Variants in CMYA5 observed in about 807,000 individuals in gnomAD.
CMYA5 encodes the protein cardiomyopathy-associated protein 5.
Under a neutral mutation model 318.9 loss-of-function variants are expected in CMYA5, and 246 were observed. That is an observed-to-expected ratio of 0.77 (90% CI 0.70 to 0.86). The LOEUF (loss-of-function observed/expected upper bound fraction) is 0.86. Among genes scored for constraint, CMYA5 ranks in the 40% least tolerant of loss-of-function variants. CMYA5 has a pLI of 0.00. For synonymous variants in CMYA5, 1,641 were observed against 1,729.5 expected (o/e 0.95, Z 1.27); for missense variants, 4,589 against 4,678.2 (o/e 0.98, Z 0.56).
rs769944134 is a variant in CMYA5 at position 79,745,443 on chromosome 5, C to G, written c.10956C>G (p.Ala3652=). 1 of 1,613,384 alleles carries G rather than the reference C, an allele frequency of 6.2e-7. No individual in the cohort carries two copies. Among genetic ancestry groups the G allele is most frequent in the African/African-American group, 1.3e-5 (1 of 75,014 alleles). The change falls in exon 4 of 13, where the codon GCC becomes GCG. Residue 3652 remains alanine (A), a synonymous_variant. Transcript: ENST00000446378. The part of the protein sequence containing the change: ...IVREAEELDE[A]VFLTSFEEIN... ...GAGAAGCAGAGGAGCTTGATGAGGC[C>G]GTCTTCCTGACTGTAAGTGCCAAGT...
rs542874952 is a variant in CMYA5, at chr5:79,729,179, A to C, written c.414A>C (p.Ser138=). The change falls in exon 2 of 13, where the codon TCA becomes TCC. Residue 138 remains serine, a synonymous_variant. Coordinates refer to ENST00000446378, the MANE Select transcript of CMYA5 (RefSeq NM_153610.5). ...VKKVRKRTHK[S]KHGSPSLRRK... ...AGGTTCGGAAAAGGACTCATAAGTCAAAGCATGGTTCACCATCATTACGCC... is the reference window on the plus strand; with the variant it reads ...AGGTTCGGAAAAGGACTCATAAGTCCAAGCATGGTTCACCATCATTACGCC... 9.3e-6 allele frequency: 15 copies of C among 1,612,930 alleles called. No individual in the cohort carries two copies. The highest frequency in any genetic ancestry group is 3.3e-5 in the South Asian group (3 of 90,768).
intron 1 of CMYA5, among the ~76,000 whole-genome samples, chr5:79,721,413 G>A (rs138727110): frequency 0.01 from 1,540 of 152,028 alleles, 28 homozygotes; most frequent in African/African-American, 0.036. Flanking sequence ...TAATAAGATG[G>A]CAAATTTAAC....
chr5:79,737,713 A>G lies in CMYA5; in HGVS notation c.8948A>G (p.Lys2983Arg), dbSNP rs763998832. ...MQDKLEYLEE[K>R]ASFKTIPLPD... ...GATAAATTAGAATATTTGGAAGAGA[A>G]AGCCTCATTTAAAACCATACCACTC... Residue 2983 changes from lysine to arginine, a missense_variant, in exon 2 of 13, where the codon AAA becomes AGA. Lys to Arg is a conservative substitution (Grantham distance 26). Transcript: ENST00000446378. The G allele has an allele frequency of 6.2e-7, 1 of 1,612,046 alleles. No individual in the cohort carries two copies. The highest frequency in any genetic ancestry group is 1.1e-5 in the South Asian group (1 of 90,354).
Position 79,733,909 on chromosome 5 carries a change from C to G in CMYA5, c.5144C>G (p.Pro1715Arg), listed in dbSNP as rs201243267. ...REESQNEEIK[P>R]FSPKIISLES... The stretch of plus-strand genomic sequence containing the variant: ...GAATCTCAGAATGAAGAAATTAAAC[C>G]TTTCTCTCCCAAGATCATCAGCCTA... Residue 1715 changes from proline (P) to arginine (R), a missense_variant, in exon 2 of 13, where the codon CCT becomes CGT. Physicochemically the swap from Pro to Arg is moderately radical, Grantham distance 103. Transcript: ENST00000446378. The G allele has an allele frequency of 6.2e-7, 1 of 1,613,046 alleles. No individual in the cohort carries two copies. Among genetic ancestry groups the G allele is most frequent in the African/African-American group, 1.3e-5 (1 of 74,950 alleles).
Position 79,737,614 on chromosome 5 carries a change from G to A in CMYA5, c.8849G>A (p.Gly2950Asp), listed in dbSNP as rs1457011006. The change falls in exon 2 of 13, where the codon GGC becomes GAC. Residue 2950 changes from glycine to aspartate, a missense_variant. Transcript: ENST00000446378. Reference sequence around the variant, plus strand: ...ACTGCCTTTAGTATCATTTCTGAAGGCTGTGAGATATTGAATATTCATGCT... The same window carrying A: ...ACTGCCTTTAGTATCATTTCTGAAGACTGTGAGATATTGAATATTCATGCT... ...QKTAFSIISE[G>D]CEILNIHAPA... 1 of 1,613,538 alleles carries A rather than the reference G, an allele frequency of 6.2e-7. No homozygotes were observed. The highest frequency in any genetic ancestry group is 1.3e-5 in the African/African-American group (1 of 74,918).
At chr5:79,775,060 C>G (rs1828914917) in intron 9 of CMYA5, among the ~76,000 whole-genome samples, 1 of 152,066 alleles carries the variant, frequency 6.6e-6, no homozygotes, top group Non-Finnish European at 1.5e-5. Context: ...CACGATTGGG[C>G]CAAAGTTCTT....
chr5:79,770,400 G>T (rs1043231700), intron 9 of CMYA5, among the ~76,000 whole-genome samples: 1 of 66,188 alleles, frequency 1.5e-5, no homozygotes, highest in Non-Finnish European at 2.9e-5. Flanking sequence ...ATGGCTGCCC[G>T]GTTTTGTGCT....
chr5:79,787,299 A>G (rs979550053), intron 9 of CMYA5, among the ~76,000 whole-genome samples: 1 of 152,106 alleles, frequency 6.6e-6, no homozygotes, highest in Admixed American at 6.6e-5. Context: ...ATACATATTT[A>G]TTTAGGGAGC....
In CMYA5 at chr5:79,799,869, T is replaced by TTC; in HGVS notation, c.*254_*255insCT. 6.5e-6 allele frequency: 1 copy of TTC among 153,012 alleles called. No individual in the cohort carries two copies. The allele number at this position is 153,012 out of a possible 1,614,324, so 9.5% of individuals were successfully genotyped here. A position where few individuals can be genotyped will look rare whatever the true frequency, so the allele number is the denominator to read the frequency against. ...ATATAAGTTTGAGTTCTTTCCTAAA[T>TTC]TAAAAGATCTACACTTGAGTTGGGA... On this transcript the variant is annotated 3_prime_UTR_variant, in exon 13 of 13. Coordinates refer to ENST00000446378, the MANE Select transcript of CMYA5 (RefSeq NM_153610.5).
chr5:79,749,980 G>GT (rs1411638699), intron 5 of CMYA5, among the ~76,000 whole-genome samples: 4 of 151,022 alleles, frequency 2.6e-5, no homozygotes, highest in Admixed American at 1.3e-4. Flanking sequence ...GTATATTGCA[G>GT]TAAAAAGTGA....
At chr5:79,713,620 TG>T (rs1166039891) in intron 1 of CMYA5, among the ~76,000 whole-genome samples, 2 of 152,242 alleles carry the variant, frequency 1.3e-5, no homozygotes, top group South Asian at 4.1e-4. Context: ...GGCCAAGACC[TG>T]AATAGATAGA....
At chr5:79,793,319 C>T (rs1200091863) in intron 11 of CMYA5, 118 bp from the exon 12 acceptor site, 1 of 944,524 alleles carries the variant, frequency 1.1e-6, no homozygotes, top group Non-Finnish European at 1.6e-6. Flanking sequence ...AGTTAAATTC[C>T]AGCAGTTTCC....
intron 5 of CMYA5, among the ~76,000 whole-genome samples, chr5:79,748,490 G>T (rs1323387874): frequency 6.7e-6 from 1 of 149,642 alleles, no homozygotes; most frequent in Admixed American, 6.7e-5. Context: ...GCCTTATTCC[G>T]AGTTCCCTAT....
In CMYA5 at chr5:79,738,458, T is replaced by A. The variant is rs1828135772; in HGVS notation, c.9693T>A (p.Asp3231Glu). Residue 3231 changes from aspartate to glutamate, a missense_variant, in exon 2 of 13, where the codon GAT (aspartate) becomes GAA (glutamate). By Grantham distance (45) the Asp-to-Glu change is conservative (BLOSUM62 2). Transcript: ENST00000446378. Reference protein sequence around the residue: ...ASFPSRNSDTDDGTGIYFEKY... With the variant: ...ASFPSRNSDTEDGTGIYFEKY... Reference sequence around the variant, plus strand: ...TTCCCAGCAGAAATTCTGACACTGATGATGGAACAGGAATATATTTTGAGA... The same window carrying A: ...TTCCCAGCAGAAATTCTGACACTGAAGATGGAACAGGAATATATTTTGAGA... 1.2e-5 allele frequency: 19 copies of A among 1,613,786 alleles called. 1 individual carries two copies. The African/African-American group carries it at 1.7e-4, about 15-fold the overall frequency.
At position 79,735,369 on chromosome 5, in the gene CMYA5, T is replaced by C. The variant is rs760919224; in HGVS notation, c.6604T>C (p.Leu2202=). ...TAACAAAGTTGCTGAACAAGAAGAC[T>C]TAGAAACACAGCCAAGTCCATCCGT... ...PDNKVAEQED[L]ETQPSPSVEK... The change falls in exon 2 of 13, where the codon TTA becomes CTA. Residue 2202 remains leucine, a synonymous_variant. Transcript: ENST00000446378. 1 of 1,613,792 alleles carries C rather than the reference T, an allele frequency of 6.2e-7. No homozygotes were observed. Among genetic ancestry groups the C allele is most frequent in the Non-Finnish European group, 8.5e-7 (1 of 1,179,790 alleles).
intron 1 of CMYA5, among the ~76,000 whole-genome samples, chr5:79,713,667 T>C (rs962593875): frequency 6.7e-6 from 1 of 149,638 alleles, no homozygotes; most frequent in African/African-American, 2.5e-5. Flanking sequence ...TTGTGCATGC[T>C]AAAGCCCAAA....
In CMYA5 at chr5:79,722,359, G is replaced by A. The variant is rs72635613; in HGVS notation, c.150-6556G>A. Among the ~76,000 whole-genome samples the A allele has an allele frequency of 0.015, 2,338 of 152,194 alleles. 87 individuals carry two copies. In the East Asian group the frequency reaches 0.16, roughly 10 times the overall value. On this transcript the variant is annotated intron_variant, in intron 1 of 12. Transcript: ENST00000446378. ...CTTGACTTCACATGTTAGAAAAAGG[G>A]ACAGTTTGAAAATTAATGACATAAG...
chr5:79,722,012 A>G (rs1353526754), intron 1 of CMYA5, among the ~76,000 whole-genome samples: 1 of 152,212 alleles, frequency 6.6e-6, no homozygotes, highest in Non-Finnish European at 1.5e-5. Context: ...AAAACTGCAG[A>G]ACATATGTTC....
rs760967048 is a variant in CMYA5 at position 79,730,373 on chromosome 5, C to G, written c.1608C>G (p.Tyr536Ter). 6 of 1,613,744 alleles carry G rather than the reference C, an allele frequency of 3.7e-6. No homozygotes were observed. The East Asian group carries it at 1.3e-4, about 36-fold the overall frequency. Residue 536 changes from tyrosine (Y) to a stop codon, truncating the protein, a stop_gained, in exon 2 of 13, where the codon TAC becomes TAG. Coordinates refer to ENST00000446378, the MANE Select transcript of CMYA5 (RefSeq NM_153610.5). LOFTEE classifies it high-confidence loss of function. ...LVEEEIVELD[Y>*]PESPLVSEKP... is the part of the protein sequence containing the mutation. ...AAGAAGAGATCGTAGAACTTGATTA[C>G]CCAGAAAGCCCATTGGTTTCCGAGA... is the stretch of plus-strand genomic sequence containing the variant.
Sources: allele counts gnomAD v4.1 joint callset (sites outside exome capture counted in the v4.1 genomes callset), GRCh38; gene constraint gnomAD v4.1.1; transcripts MANE v1.5; gene names NCBI Gene and HGNC (gene_info 2026-07-23, HGNC 2026-07-21).